SVEP1: variants seen among roughly 807,000 people sequenced by gnomAD.
SVEP1 encodes sushi, von Willebrand factor type A, EGF and pentraxin domain-containing protein 1.
SVEP1 carries 164 observed loss-of-function variants against 367.3 expected under a neutral mutation model. That is an observed-to-expected ratio of 0.45 (90% confidence interval 0.39 to 0.51). The LOEUF (loss-of-function observed/expected upper bound fraction) is 0.51. Among genes scored for constraint, SVEP1 ranks in the 20% least tolerant of loss-of-function variants. The probability of loss-of-function intolerance (pLI) is 0.00; values close to 1 mark genes in which losing one functional copy is unlikely to be tolerated. For missense variants in SVEP1, 4,117 were observed against 4,425.3 expected (o/e 0.93, Z 1.98); for synonymous variants, 1,666 against 1,611.6 (o/e 1.03, Z -0.81).
At chr9:110,475,323 T>C (rs1410693481) in intron 14 of SVEP1, among the ~76,000 whole-genome samples, 1 of 152,120 alleles carries the variant, frequency 6.6e-6, no homozygotes, top group Non-Finnish European at 1.5e-5. Context: ...GACTTGAACT[T>C]ATTCATTTGA....
chr9:110,408,095 T>C lies in SVEP1; in HGVS notation c.7505A>G (p.Lys2502Arg). Residue 2502 changes from lysine (K) to arginine (R), a missense_variant, in exon 38 of 48, where the codon AAG becomes AGG. Coordinates refer to ENST00000374469, the MANE Select transcript of SVEP1 (RefSeq NM_153366.4). ...AGAGAATTTGCCATTCAAAATCTCC[T>C]TGGGTTTCAGGCACTCAATGGCTTT... ...TCKAIECLKP[K>R]EILNGKFSYT... 6.2e-7 allele frequency: 1 copy of C among 1,613,926 alleles called. No individual in the cohort carries two copies. The highest frequency in any genetic ancestry group is 8.5e-7 in the Non-Finnish European group (1 of 1,179,870).
At position 110,407,358 on chromosome 9, in the gene SVEP1, T is replaced by A; in HGVS notation, c.8242A>T (p.Ile2748Phe). The A allele has an allele frequency of 6.2e-7, 1 of 1,613,998 alleles. No homozygotes were observed. Among genetic ancestry groups the A allele is most frequent in the Non-Finnish European group, 8.5e-7 (1 of 1,179,892 alleles). ...AVQYSCKPGH[I>F]LAGSDLRLCL... ...AGCCTTAAGTCAGAGCCTGCTAGAATGTGTCCAGGTTTACAGCTATACTGC... is the reference window on the plus strand; with the variant it reads ...AGCCTTAAGTCAGAGCCTGCTAGAAAGTGTCCAGGTTTACAGCTATACTGC... The change falls in exon 38 of 48, where the codon ATT becomes TTT. Residue 2748 changes from isoleucine (I) to phenylalanine (F), a missense_variant. Physicochemically the swap from Ile to Phe is conservative, Grantham distance 21. This residue lies in a region of SVEP1 where 1,765 missense variants were observed against 1,781.1 expected (regional missense o/e 0.99). Transcript: ENST00000374469.
chr9:110,466,081 T>G (rs1264546498), intron 17 of SVEP1, 55 bp from the exon 18 acceptor site: 1 of 1,558,490 alleles, frequency 6.4e-7, no homozygotes, highest in Admixed American at 1.8e-5. Flanking sequence ...TGCATAAAAT[T>G]AGTACTGTGC....
chr9:110,474,003 GTTATT>G (rs1172964892), intron 14 of SVEP1, among the ~76,000 whole-genome samples: 1 of 152,024 alleles, frequency 6.6e-6, no homozygotes, highest in Non-Finnish European at 1.5e-5. Flanking sequence ...TTCCACTTTA[GTTATT>G]TTATTTTTTG....
chr9:110,390,426 G>C (rs978346088), intron 40 of SVEP1, among the ~76,000 whole-genome samples: 1 of 131,044 alleles, frequency 7.6e-6, no homozygotes, highest in Non-Finnish European at 1.6e-5. Flanking sequence ...TTCATCCATC[G>C]ATGACACCCA....
intron 1 of SVEP1, among the ~76,000 whole-genome samples, chr9:110,554,974 G>A (rs1408904332): frequency 6.6e-6 from 1 of 152,004 alleles, no homozygotes; most frequent in Admixed American, 6.6e-5. Flanking sequence ...ATATTCGAAG[G>A]GTAACTCCTA....
At chr9:110,559,829 C>T (rs185981445) in intron 1 of SVEP1, among the ~76,000 whole-genome samples, 67 of 152,174 alleles carry the variant, frequency 4.4e-4, no homozygotes, top group Non-Finnish European at 7.1e-4. Flanking sequence ...AGGACAAGCA[C>T]ACTAGTTAAA....
At chr9:110,506,856 G>T (rs73655391) in intron 5 of SVEP1, among the ~76,000 whole-genome samples, 1,771 of 152,086 alleles carry the variant, frequency 0.012, 37 homozygotes, top group African/African-American at 0.041. Context: ...GAAGAGGAGA[G>T]GAGAGGAGAA....
At chr9:110,514,133 C>A (rs758622563) in intron 3 of SVEP1, 27 bp from the exon 4 acceptor site, 7 of 1,599,744 alleles carry the variant, frequency 4.4e-6, no homozygotes, top group South Asian at 1.1e-5. Flanking sequence ...CGGAGAAGTC[C>A]ATGTTATGTG....
At chr9:110,542,965 T>TAAA (rs1554722331) in intron 3 of SVEP1, among the ~76,000 whole-genome samples, 32 of 141,660 alleles carry the variant, frequency 2.3e-4, no homozygotes, top group African/African-American at 8.0e-4. Flanking sequence ...AAAGTATAAT[T>TAAA]AAAAAAAAAT....
At chr9:110,398,067 C>T (rs970004198) in intron 40 of SVEP1, among the ~76,000 whole-genome samples, 3 of 150,014 alleles carry the variant, frequency 2.0e-5, no homozygotes, top group Non-Finnish European at 3.0e-5. Flanking sequence ...AAGCTGGAGG[C>T]ATCACGCTAC....
At chr9:110,542,607 T>C (rs1830165298) in intron 3 of SVEP1, among the ~76,000 whole-genome samples, 1 of 152,200 alleles carries the variant, frequency 6.6e-6, no homozygotes, top group African/African-American at 2.4e-5. Context: ...CATAACATTG[T>C]TGGCAATTAC....
rs1296706174 is a variant in SVEP1 at position 110,396,484 on chromosome 9, G to GAAAT, written c.9822+4366_9822+4369dup. On this transcript the variant is annotated intron_variant, in intron 40 of 47. Transcript: ENST00000374469. ...ACATTCAAAAGCTAGCAGAAGGCAA[G>GAAAT]AAATAACTAAGATCAGAGCAGAACT... Among the ~76,000 whole-genome samples the GAAAT allele has an allele frequency of 2.0e-5, 3 of 152,042 alleles. No individual in the cohort carries two copies. The East Asian group carries it at 5.8e-4, about 29-fold the overall frequency.
chr9:110,432,047 C>G lies in SVEP1; in HGVS notation c.5234-13G>C, dbSNP rs534102207. 2.5e-6 allele frequency: 4 copies of G among 1,587,784 alleles called. No homozygotes were observed. The highest frequency in any genetic ancestry group is 3.4e-6 in the Non-Finnish European group (4 of 1,170,186). ...CACTCATCGACATCTAAAATGAAGA[C>G]AGCTTATAAATATTAAAGTTGATTC... On this transcript the variant is annotated splice_polypyrimidine_tract_variant and intron_variant, in intron 31 of 47. Coordinates refer to ENST00000374469, the MANE Select transcript of SVEP1 (RefSeq NM_153366.4).
At chr9:110,465,753 A>G in intron 18 of SVEP1, 112 bp downstream of exon 18, 1 of 1,300,802 alleles carries the variant, frequency 7.7e-7, no homozygotes, top group Non-Finnish European at 1.0e-6. Context: ...AGAGACAGTT[A>G]TTTCCATTCT....
chr9:110,517,136 G>A (rs927492995), intron 3 of SVEP1, among the ~76,000 whole-genome samples: 1 of 152,132 alleles, frequency 6.6e-6, no homozygotes, highest in East Asian at 1.9e-4. Flanking sequence ...AAAGACATTC[G>A]AGGATGTGCA....
At position 110,379,378 on chromosome 9, in the gene SVEP1, A is replaced by C; in HGVS notation, c.10377T>G (p.Asn3459Lys). The C allele has an allele frequency of 6.2e-7, 1 of 1,613,698 alleles. No homozygotes were observed. Residue 3459 changes from asparagine (N) to lysine (K), a missense_variant, in exon 44 of 48, where the codon AAT (asparagine) becomes AAG (lysine). Asn to Lys is a moderately conservative substitution (Grantham distance 94). This residue lies in a region of SVEP1 where 1,765 missense variants were observed against 1,781.1 expected (regional missense o/e 0.99). Coordinates refer to ENST00000374469, the MANE Select transcript of SVEP1 (RefSeq NM_153366.4). ...EGFLRSVCLE[N>K]GTWTSPPICR... is the part of the protein sequence containing the mutation. ...AAATAGGAGGTGATGTCCATGTTCCATTTTCTAAACAAACACTCCTCAGGA... is the reference window on the plus strand; with the variant it reads ...AAATAGGAGGTGATGTCCATGTTCCCTTTTCTAAACAAACACTCCTCAGGA...
chr9:110,453,186 T>C (rs1464025640), intron 22 of SVEP1, among the ~76,000 whole-genome samples: 4 of 152,106 alleles, frequency 2.6e-5, no homozygotes, highest in Admixed American at 6.6e-5. Flanking sequence ...CATATTAAAA[T>C]ATATATTCAG....
At chr9:110,569,320 G>T (rs374430343) in intron 1 of SVEP1, among the ~76,000 whole-genome samples, 6 of 151,954 alleles carry the variant, frequency 3.9e-5, no homozygotes, top group African/African-American at 7.3e-5. Flanking sequence ...GCTGAGCATG[G>T]TGGTGCATGC....
Sources: gnomAD v4.1 joint callset for allele counts (sites outside exome capture counted in the v4.1 genomes callset) on GRCh38, gnomAD v4.1.1 for gene constraint, gnomAD v4.1.1 regional missense constraint, MANE v1.5 for transcripts, NCBI Gene and HGNC (gene_info 2026-07-23, HGNC 2026-07-21) for gene names.